Variants in NELL1 observed in about 807,000 individuals in gnomAD.
NELL1 encodes the protein protein kinase C-binding protein NELL1.
In NELL1, 76 loss-of-function variants were observed where a neutral mutation model predicts 107.4. The observed-to-expected ratio is 0.71, with a 90% confidence interval of 0.59 to 0.86. The LOEUF (loss-of-function observed/expected upper bound fraction) is 0.86. NELL1 is among the 40% of genes least tolerant of loss of function. The pLI is 0.00. For missense variants in NELL1, 1,024 were observed against 1,005.5 expected (o/e 1.02, Z -0.25); for synonymous variants, 353 against 341.2 (o/e 1.03, Z -0.38).
chr11:20,888,617 T>C (rs1849557429), intron 5 of NELL1, among the ~76,000 whole-genome samples: 1 of 152,064 alleles, frequency 6.6e-6, no homozygotes. Context: ...GAAAGAACAA[T>C]GAAATAAAAG....
chr11:21,170,757 T>C (rs1389344177), intron 13 of NELL1, among the ~76,000 whole-genome samples: 1 of 150,696 alleles, frequency 6.6e-6, no homozygotes, highest in Non-Finnish European at 1.5e-5. Context: ...CAATTGTTTT[T>C]ATAAAACAAG....
At chr11:21,510,656 G>A (rs1041022983) in intron 15 of NELL1, among the ~76,000 whole-genome samples, 1 of 152,136 alleles carries the variant, frequency 6.6e-6, no homozygotes, top group South Asian at 2.1e-4. Context: ...GTATACCTGT[G>A]ACTGAGGTCC....
intron 12 of NELL1, among the ~76,000 whole-genome samples, chr11:21,103,639 A>T (rs1000066911): frequency 4.6e-5 from 7 of 152,188 alleles, no homozygotes; most frequent in African/African-American, 1.7e-4. Flanking sequence ...GATAAAGAGG[A>T]TATAGACAGC....
chr11:20,823,575 T>A (rs1857807831), intron 3 of NELL1, among the ~76,000 whole-genome samples: 1 of 151,430 alleles, frequency 6.6e-6, no homozygotes, highest in African/African-American at 2.4e-5. Flanking sequence ...ATATTTTAAT[T>A]GCTTGGAGAG....
Position 20,677,368 on chromosome 11 carries a change from C to T in NELL1, c.56-564C>T, listed in dbSNP as rs114285473. 6.9e-3 allele frequency among the ~76,000 whole-genome samples: 1,045 copies of T among 152,158 alleles called. 8 individuals are homozygous for T. Among genetic ancestry groups the T allele is most frequent in the African/African-American group, 0.024 (996 of 41,512 alleles). On this transcript the variant is annotated intron_variant, in intron 1 of 19. Coordinates refer to ENST00000357134, the MANE Select transcript of NELL1 (RefSeq NM_006157.5). ...AGTCTCTGAGGCAGGTGGATCAGGGCCACAATCTTGTATCCGCAGTCACCA... is the reference window on the plus strand; with the variant it reads ...AGTCTCTGAGGCAGGTGGATCAGGGTCACAATCTTGTATCCGCAGTCACCA...
chr11:21,405,812 T>C (rs547627631), intron 15 of NELL1, among the ~76,000 whole-genome samples: 1 of 151,978 alleles, frequency 6.6e-6, no homozygotes, highest in South Asian at 2.1e-4. Flanking sequence ...TTATTTTCCT[T>C]CCCCCAACCT....
intron 17 of NELL1, among the ~76,000 whole-genome samples, chr11:21,562,706 T>C (rs1439674541): frequency 6.6e-6 from 1 of 152,008 alleles, no homozygotes; most frequent in Non-Finnish European, 1.5e-5. Context: ...AAAATCAAGG[T>C]TGGGATATAA....
chr11:21,197,979 A>G (rs532451164), intron 13 of NELL1, among the ~76,000 whole-genome samples: 19 of 152,332 alleles, frequency 1.2e-4, no homozygotes, highest in Admixed American at 3.3e-4. Context: ...CTGTGGGTCA[A>G]TAATTCAGAT....
intron 5 of NELL1, among the ~76,000 whole-genome samples, chr11:20,892,315 A>T (rs1849632790): frequency 6.6e-6 from 1 of 152,218 alleles, no homozygotes. Context: ...CTTTGAAACC[A>T]ATGAGAACAA....
At chr11:21,168,464 C>T (rs1485678858) in intron 13 of NELL1, among the ~76,000 whole-genome samples, 1 of 151,756 alleles carries the variant, frequency 6.6e-6, no homozygotes, top group African/African-American at 2.4e-5. Context: ...CTTTCTGTGT[C>T]ACCTCTTCTC....
chr11:21,274,636 C>T lies in NELL1; in HGVS notation c.1549+45182C>T, dbSNP rs140828186. Among the ~76,000 whole-genome samples the T allele has an allele frequency of 1.1e-3, 162 of 152,224 alleles. 1 individual carries two copies. Among genetic ancestry groups the T allele is most frequent in the Non-Finnish European group, 1.9e-3 (127 of 68,022 alleles). ...ACATTGCACTTATTCCAAAATTGAC[C>T]ACTTAGTTGGAAGTAAAGCACTCCT... On this transcript the variant is annotated intron_variant, in intron 14 of 19. Transcript: ENST00000357134.
chr11:20,897,401 C>T (rs12279665), intron 5 of NELL1, among the ~76,000 whole-genome samples: 7,420 of 152,156 alleles, frequency 0.049, 581 homozygotes, highest in African/African-American at 0.17. Context: ...ACACCTTATA[C>T]AAAAATTAAT....
chr11:20,954,762 T>C (rs1467334624), intron 11 of NELL1, among the ~76,000 whole-genome samples: 4 of 152,204 alleles, frequency 2.6e-5, no homozygotes, highest in Non-Finnish European at 5.9e-5. Context: ...GGATTTGACC[T>C]GAAGGTGAGT....
chr11:20,829,312 C>T (rs1298948661), intron 3 of NELL1, among the ~76,000 whole-genome samples: 1 of 151,124 alleles, frequency 6.6e-6, no homozygotes, highest in Non-Finnish European at 1.5e-5. Flanking sequence ...CTGCAACCTC[C>T]ACCTCTCAGG....
At chr11:21,134,559 AC>A (rs1855700855) in intron 13 of NELL1, among the ~76,000 whole-genome samples, 1 of 152,194 alleles carries the variant, frequency 6.6e-6, no homozygotes, top group African/African-American at 2.4e-5. Context: ...TCTGATAATC[AC>A]TTATTCCACA....
intron 2 of NELL1, among the ~76,000 whole-genome samples, chr11:20,690,180 T>G (rs1158491234): frequency 6.6e-6 from 1 of 152,240 alleles, no homozygotes; most frequent in Non-Finnish European, 1.5e-5. Flanking sequence ...TTCTGGATAT[T>G]AGCCCTTTGT....
chr11:20,760,628 C>A (rs1277542459), intron 2 of NELL1, among the ~76,000 whole-genome samples: 1 of 152,134 alleles, frequency 6.6e-6, no homozygotes, highest in African/African-American at 2.4e-5. Flanking sequence ...TTAATTAGGG[C>A]TTACGGTGAT....
intron 12 of NELL1, among the ~76,000 whole-genome samples, chr11:21,010,092 C>T (rs971109120): frequency 6.6e-6 from 1 of 151,990 alleles, no homozygotes; most frequent in African/African-American, 2.4e-5. Flanking sequence ...GACTGTACCA[C>T]ACAAACATTT....
At chr11:21,403,802 G>T (rs2133800611) in intron 15 of NELL1, among the ~76,000 whole-genome samples, 1 of 151,820 alleles carries the variant, frequency 6.6e-6, no homozygotes, top group East Asian at 2.0e-4. Flanking sequence ...CCTGGACACA[G>T]AAAGTGGGAG....
Sources: gnomAD v4.1 joint callset for allele counts (sites outside exome capture counted in the v4.1 genomes callset) on GRCh38, gnomAD v4.1.1 for gene constraint, MANE v1.5 for transcripts, NCBI Gene and HGNC (gene_info 2026-07-23, HGNC 2026-07-21) for gene names.